The following CNTNAP3B variants were observed in gnomAD, a reference collection of about 807,000 sequenced individuals.
The protein encoded by CNTNAP3B is contactin associated protein family member 3B, also known as contactin-associated protein-like 3B.
In CNTNAP3B, 25 loss-of-function variants were observed where a neutral mutation model predicts 108.9. That is an observed-to-expected ratio of 0.23 (90% CI 0.17 to 0.32). CNTNAP3B has a LOEUF of 0.32. CNTNAP3B is among the 10% of genes least tolerant of loss of function. CNTNAP3B has a pLI of 1.00. For synonymous variants in CNTNAP3B, 103 were observed against 473.4 expected (o/e 0.22, Z 10.16); for missense variants, 252 against 1,210.4 (o/e 0.21, Z 11.75).
At chr9:41,931,255 C>T (rs1245748833) in intron 14 of CNTNAP3B, among the ~76,000 whole-genome samples, 1 of 152,266 alleles carries the variant, frequency 6.6e-6, no homozygotes, top group Non-Finnish European at 1.5e-5. Flanking sequence ...TACTAGAATA[C>T]AATGCATAAT....
chr9:41,965,597 C>T (rs1825244791), intron 10 of CNTNAP3B, among the ~76,000 whole-genome samples: 1 of 150,838 alleles, frequency 6.6e-6, no homozygotes, highest in South Asian at 2.1e-4. Flanking sequence ...AGCTAAGGAC[C>T]TGGTAAAGAG....
intron 13 of CNTNAP3B, among the ~76,000 whole-genome samples, chr9:41,949,834 A>G (rs1159145546): frequency 6.6e-6 from 1 of 151,952 alleles, no homozygotes; most frequent in Non-Finnish European, 1.5e-5. Context: ...AATTTTTAGA[A>G]TTGACACGAT....
chr9:42,058,288 C>T (rs1195363011), intron 3 of CNTNAP3B, among the ~76,000 whole-genome samples: 1 of 152,218 alleles, frequency 6.6e-6, no homozygotes, highest in East Asian at 1.9e-4. Context: ...AGGAAACTCC[C>T]CACTGCTTTC....
chr9:41,926,047 C>A (rs1354124332), intron 15 of CNTNAP3B, among the ~76,000 whole-genome samples: 1 of 152,296 alleles, frequency 6.6e-6, no homozygotes, highest in Admixed American at 6.5e-5. Context: ...CACATACACA[C>A]ACGCAGTCTC....
At chr9:41,949,804 G>A (rs1415391277) in intron 13 of CNTNAP3B, among the ~76,000 whole-genome samples, 5 of 151,898 alleles carry the variant, frequency 3.3e-5, no homozygotes, top group Non-Finnish European at 5.9e-5. Flanking sequence ...TTTGGAATTG[G>A]AATTTAGGGT....
chr9:42,121,384 T>C (rs1026357077), intron 1 of CNTNAP3B, among the ~76,000 whole-genome samples: 2 of 139,282 alleles, frequency 1.4e-5, no homozygotes, highest in Non-Finnish European at 3.1e-5. Flanking sequence ...AAGAAAACTC[T>C]GGCTGGGACA....
intron 7 of CNTNAP3B, 32 bp downstream of exon 7, chr9:41,996,172 CT>C (rs769685773): frequency 9.4e-6 from 10 of 1,069,442 alleles, no homozygotes; most frequent in East Asian, 2.9e-5. Context: ...ATAAAATGTC[CT>C]TTTTTCTTTC....
At chr9:41,943,759 T>A (rs1204142723) in intron 13 of CNTNAP3B, among the ~76,000 whole-genome samples, 9 of 152,112 alleles carry the variant, frequency 5.9e-5, no homozygotes, top group African/African-American at 2.2e-4. Context: ...ATAATGACAG[T>A]TGAGAATGTT....
At chr9:41,940,578 C>G (rs1268503596) in intron 13 of CNTNAP3B, among the ~76,000 whole-genome samples, 8 of 152,260 alleles carry the variant, frequency 5.3e-5, no homozygotes, top group Non-Finnish European at 1.0e-4. Flanking sequence ...CCAGCACTTT[C>G]GGAGGCCGAG....
At chr9:41,982,063 C>A (rs1389274093) in intron 9 of CNTNAP3B, among the ~76,000 whole-genome samples, 1,865 of 42,076 alleles carry the variant, frequency 0.044, no homozygotes, top group South Asian at 0.069. Flanking sequence ...TCTAAAGTCT[C>A]AAAAAAAAAA....
intron 15 of CNTNAP3B, among the ~76,000 whole-genome samples, chr9:41,924,658 C>A (rs953447552): frequency 1.4e-5 from 1 of 73,638 alleles, no homozygotes; most frequent in African/African-American, 3.9e-5. Flanking sequence ...CACACACACA[C>A]ACACACACAC....
At chr9:42,002,873 C>T (rs1421522954) in intron 4 of CNTNAP3B, among the ~76,000 whole-genome samples, 2 of 133,266 alleles carry the variant, frequency 1.5e-5, no homozygotes, top group Non-Finnish European at 3.2e-5. Context: ...TTTCCTTACG[C>T]CATATTTTAT....
intron 10 of CNTNAP3B, among the ~76,000 whole-genome samples, chr9:41,967,308 T>C (rs2118245553): frequency 6.6e-6 from 1 of 152,384 alleles, no homozygotes; most frequent in East Asian, 1.9e-4. Flanking sequence ...TGATAGTGAA[T>C]AAGTCTCACG....
chr9:41,953,143 G>GGCCTC (rs1824745736), intron 13 of CNTNAP3B, 40 bp downstream of exon 13: 1 of 1,475,182 alleles, frequency 6.8e-7, no homozygotes, highest in Admixed American at 2.5e-5. Flanking sequence ...GCCGCGCCCC[G>GGCCTC]GCCTCGTGAG....
chr9:41,943,560 G>A (rs1375439770), intron 13 of CNTNAP3B, among the ~76,000 whole-genome samples: 1 of 151,562 alleles, frequency 6.6e-6, no homozygotes, highest in Non-Finnish European at 1.5e-5. Context: ...CCCCGTGGTA[G>A]CCAGGATGGT....
chr9:42,075,047 G>A (rs371669158), intron 3 of CNTNAP3B, among the ~76,000 whole-genome samples: 6 of 145,768 alleles, frequency 4.1e-5, no homozygotes, highest in East Asian at 4.0e-4. Flanking sequence ...TCTCCTAGCT[G>A]CTGGTGCCTC....
At position 42,080,546 on chromosome 9, in the gene CNTNAP3B, T is replaced by C. The variant is rs142561253; in HGVS notation, c.197-3484A>G. The stretch of plus-strand genomic sequence containing the variant: ...GTGCCTTTGTTAAAGGCAGCTTTGA[T>C]GGTTGGTATAGAAGGCCACTATGGG... On this transcript the variant is annotated intron_variant, in intron 2 of 23. Transcript: ENST00000377561. 8.1e-5 allele frequency among the ~76,000 whole-genome samples: 11 copies of C among 136,558 alleles called. 2 individuals carry two copies. The highest frequency in any genetic ancestry group is 2.6e-4 in the African/African-American group (9 of 34,148). The allele number at this position is 136,558 out of a possible 152,430, so 89.6% of individuals were successfully genotyped here. A position where few individuals can be genotyped will look rare whatever the true frequency, so the allele number is the denominator to read the frequency against.
intron 3 of CNTNAP3B, among the ~76,000 whole-genome samples, chr9:42,037,507 A>T (rs1194687362): frequency 1.5e-5 from 2 of 129,340 alleles, no homozygotes; most frequent in African/African-American, 6.3e-5. Context: ...AGCTGATTTG[A>T]TCAACTGGAA....
At chr9:42,056,640 G>A (rs1827078320) in intron 3 of CNTNAP3B, among the ~76,000 whole-genome samples, 1 of 138,056 alleles carries the variant, frequency 7.2e-6, no homozygotes, top group African/African-American at 2.9e-5. Context: ...GTGAGCCACC[G>A]CGCCAAGCAT....
Sources: allele counts gnomAD v4.1 joint callset (sites outside exome capture counted in the v4.1 genomes callset), GRCh38; gene constraint gnomAD v4.1.1; transcripts MANE v1.5; gene names NCBI Gene and HGNC (gene_info 2026-07-23, HGNC 2026-07-21).